Variants in EML6 observed in about 807,000 individuals in gnomAD.
EML6 encodes the protein echinoderm microtubule-associated protein-like 6.
EML6 carries 154 observed loss-of-function variants against 240.1 expected under a neutral mutation model. That is an observed-to-expected ratio of 0.64 (90% CI 0.56 to 0.73). The LOEUF is 0.73. Among genes scored for constraint, EML6 ranks in the 30% least tolerant of loss-of-function variants. EML6 has a pLI of 0.00. For synonymous variants in EML6, 1,148 were observed against 899.0 expected (o/e 1.28, Z -4.95); for missense variants, 2,964 against 2,474.6 (o/e 1.20, Z -4.20).
At position 54,859,569 on chromosome 2, in the gene EML6, CAT is replaced by C. The variant is rs1670568619; in HGVS notation, c.1694_1695del (p.His565ArgfsTer9). ...KFRKYVGHSA[H>X]VTNVRWSHDF... ...TAGAAAGTATGTGGGCCATTCTGCA[CAT>C]GTCACAAATGTCCGCTGGTCCCATG... is the stretch of plus-strand genomic sequence containing the variant. On this transcript the variant is annotated frameshift_variant, in exon 12 of 42. Transcript: ENST00000356458. LOFTEE classifies it high-confidence loss of function. The C allele has an allele frequency of 6.4e-7, 1 of 1,551,102 alleles. No individual in the cohort carries two copies. Among genetic ancestry groups the C allele is most frequent in the African/African-American group, 1.4e-5 (1 of 73,020 alleles).
intron 2 of EML6, among the ~76,000 whole-genome samples, chr2:54,781,942 C>T (rs1438816): frequency 0.12 from 18,406 of 152,104 alleles, 1,687 homozygotes; most frequent in East Asian, 0.3. Flanking sequence ...GTGCTGGGAT[C>T]ACAGGTGTGA....
chr2:54,724,934 T>C lies in EML6; in HGVS notation c.-128T>C, dbSNP rs1320719509. On this transcript the variant is annotated 5_prime_UTR_variant, in exon 2 of 42. Transcript: ENST00000356458. This position sits in a 1 kb window ranked among gnomAD's most constrained non-coding sequence, Gnocchi z 5.2. ...GGCGGCCGGCCCGCTGGGCTGTGCC[T>C]GTGTGTCGCCGCGGAAATCAGCGCC... 244 of 693,374 alleles carry C rather than the reference T, an allele frequency of 3.5e-4. 1 individual carries two copies. In the East Asian group the frequency reaches 0.01, roughly 30 times the overall value. 43.0% of individuals were successfully genotyped at this position (693,374 alleles called of 1,614,324 possible).
chr2:54,917,785 A>C (rs1674005415), intron 26 of EML6, among the ~76,000 whole-genome samples: 1 of 152,108 alleles, frequency 6.6e-6, no homozygotes, highest in Non-Finnish European at 1.5e-5. Context: ...TTTCCAGCCT[A>C]ACCTTTCTAG....
At chr2:54,902,973 T>A in intron 22 of EML6, 71 bp from the exon 23 acceptor site, 1 of 1,393,896 alleles carries the variant, frequency 7.2e-7, no homozygotes, top group Non-Finnish European at 9.8e-7. Flanking sequence ...TCAGATTTCT[T>A]CATCTTTTCA....
chr2:54,762,663 C>G (rs1668028442), intron 2 of EML6, among the ~76,000 whole-genome samples: 1 of 152,096 alleles, frequency 6.6e-6, no homozygotes, highest in Non-Finnish European at 1.5e-5. Context: ...CAGATTATCC[C>G]CAGGGCCAAT....
At chr2:54,797,162 C>G in intron 2 of EML6, among the ~76,000 whole-genome samples, 1 of 22,188 alleles carries the variant, frequency 4.5e-5, no homozygotes, top group East Asian at 3.7e-3. Context: ...AAGACTCCAT[C>G]TCAAAAAAAA....
At chr2:54,877,790 A>G (rs1406327523) in intron 16 of EML6, among the ~76,000 whole-genome samples, 1 of 152,248 alleles carries the variant, frequency 6.6e-6, no homozygotes, top group Non-Finnish European at 1.5e-5. Context: ...GTAGCTTGAA[A>G]GGGTCAGGTA....
rs900871443 is a variant in EML6, at chr2:54,971,799, A to AATG, written c.*1709_*1711dup. On this transcript the variant is annotated 3_prime_UTR_variant, in exon 42 of 42. Coordinates refer to ENST00000356458, the MANE Select transcript of EML6 (RefSeq NM_001039753.4). ...CATGTGGAAGAACAATGAATCGATT[A>AATG]ATGATGACATGTACAACCATATTTA... The AATG allele has an allele frequency of 6.6e-6, 1 of 151,764 alleles. No individual in the cohort carries two copies. The highest frequency in any genetic ancestry group is 6.6e-5 in the Admixed American group (1 of 15,098). 9.4% of individuals were successfully genotyped at this position (151,764 alleles called of 1,614,324 possible).
At position 54,849,970 on chromosome 2, in the gene EML6, CAGA is replaced by C; in HGVS notation, c.1199_1201del (p.Glu400del). ...GCTTTTTATTCTTACAGAGATATGA[CAGA>C]AGTAGTTCACATCAAAGATCGAAAA... On this transcript the variant is annotated inframe_deletion, in exon 10 of 42. Transcript: ENST00000356458. The C allele has an allele frequency of 6.4e-7, 1 of 1,550,774 alleles. No individual in the cohort carries two copies. Among genetic ancestry groups the C allele is most frequent in the Non-Finnish European group, 8.7e-7 (1 of 1,146,302 alleles).
intron 28 of EML6, among the ~76,000 whole-genome samples, chr2:54,944,128 T>A (rs532449889): frequency 6.6e-6 from 1 of 152,236 alleles, no homozygotes; most frequent in Non-Finnish European, 1.5e-5. Context: ...TCTCTCTTAA[T>A]TAATCTTTTA....
chr2:54,848,524 T>C (rs56129735), intron 9 of EML6, among the ~76,000 whole-genome samples: 2 of 145,850 alleles, frequency 1.4e-5, no homozygotes, highest in Non-Finnish European at 3.0e-5. Context: ...GCTTCCACAC[T>C]ACACACACAC....
chr2:54,822,323 A>G (rs1247387106), intron 5 of EML6, among the ~76,000 whole-genome samples: 1 of 152,186 alleles, frequency 6.6e-6, no homozygotes, highest in African/African-American at 2.4e-5. Context: ...CAGCCAAGAA[A>G]TTTGGAAATA....
In EML6 at chr2:54,869,215, T is replaced by C. The variant is rs1327935099; in HGVS notation, c.2086T>C (p.Tyr696His). The change falls in exon 15 of 42, where the codon TAC (tyrosine) becomes CAC (histidine). Residue 696 changes from tyrosine (Y) to histidine (H), a missense_variant. Physicochemically the swap from Tyr to His is moderately conservative, Grantham distance 83. Coordinates refer to ENST00000356458, the MANE Select transcript of EML6 (RefSeq NM_001039753.4). Reference protein sequence around the residue: ...RGYDCRNNLFYTQAGEVVYHI... With the variant: ...RGYDCRNNLFHTQAGEVVYHI... Reference sequence around the variant, plus strand: ...CTACGACTGTAGAAACAATCTGTTCTACACACAAGCTGGAGAAGTAGTCTA... The same window carrying C: ...CTACGACTGTAGAAACAATCTGTTCCACACACAAGCTGGAGAAGTAGTCTA... 9 of 1,551,714 alleles carry C rather than the reference T, an allele frequency of 5.8e-6. No homozygotes were observed. The highest frequency in any genetic ancestry group is 7.8e-6 in the Non-Finnish European group (9 of 1,146,960).
intron 35 of EML6, 69 bp from the exon 36 acceptor site, chr2:54,962,454 C>A: frequency 8.1e-7 from 1 of 1,229,292 alleles, no homozygotes; most frequent in Non-Finnish European, 1.1e-6. Context: ...TTTGTCTACT[C>A]TAGATACCTC....
chr2:54,750,862 C>T lies in EML6; in HGVS notation c.197+25604C>T, dbSNP rs189355590. On this transcript the variant is annotated intron_variant, in intron 2 of 41. Transcript: ENST00000356458. ...GCCCAGAATGGGTATCATGGTTGTC[C>T]GATCAGTGCAAGAAATTGTGATTGG... Among the ~76,000 whole-genome samples the T allele has an allele frequency of 6.6e-5, 10 of 152,162 alleles. No homozygotes were observed. The East Asian group carries it at 1.5e-3, about 23-fold the overall frequency.
chr2:54,958,173 G>A (rs553816319), intron 33 of EML6, among the ~76,000 whole-genome samples, 175 bp downstream of exon 33: 1 of 152,158 alleles, frequency 6.6e-6, no homozygotes, highest in African/African-American at 2.4e-5. Context: ...AGCACATATG[G>A]GTGGGTTGGC....
intron 2 of EML6, among the ~76,000 whole-genome samples, chr2:54,759,116 A>G (rs995124628): frequency 1.3e-5 from 2 of 151,088 alleles, no homozygotes; most frequent in East Asian, 3.9e-4. Context: ...TTTCAATTCC[A>G]TTTTCCATTT....
rs561919868 is a variant in EML6 at position 54,813,909 on chromosome 2, T to G, written c.357+518T>G. On this transcript the variant is annotated intron_variant, in intron 3 of 41. Transcript: ENST00000356458. The stretch of plus-strand genomic sequence containing the variant: ...TCTATCATCAATTCCTGGGTATTCA[T>G]GTTTCTTTACAGTAACTGACATCCT... Among the ~76,000 whole-genome samples the G allele has an allele frequency of 2.6e-5, 4 of 152,358 alleles. No homozygotes were observed. The East Asian group carries it at 7.7e-4, about 29-fold the overall frequency.
intron 17 of EML6, among the ~76,000 whole-genome samples, chr2:54,886,594 A>G (rs1448761802): frequency 6.6e-6 from 1 of 152,174 alleles, no homozygotes; most frequent in East Asian, 1.9e-4. Flanking sequence ...CAACTTCTCC[A>G]CATTCTGGCC....
Sources: allele counts gnomAD v4.1 joint callset (sites outside exome capture counted in the v4.1 genomes callset), GRCh38; gene constraint gnomAD v4.1.1; non-coding constraint Gnocchi (gnomAD v3.1); transcripts MANE v1.5; gene names NCBI Gene and HGNC (gene_info 2026-07-23, HGNC 2026-07-21).